Variants in CRX observed in about 807,000 individuals in gnomAD.
CRX encodes cone-rod homeobox, also known as cone-rod homeobox protein.
Under a neutral mutation model 13.1 loss-of-function variants are expected in CRX, and 5 were observed. That is an observed-to-expected ratio of 0.38 (90% CI 0.20 to 0.80). The LOEUF (loss-of-function observed/expected upper bound fraction) is 0.80, where lower values mean the gene tolerates loss of function less well. Among genes scored for constraint, CRX ranks in the 30% least tolerant of loss-of-function variants. CRX has a pLI of 0.43. For missense variants in CRX, 351 were observed against 391.8 expected (o/e 0.90, Z 0.88); for synonymous variants, 179 against 171.1 (o/e 1.05, Z -0.36).
intron 3 of CRX, among the ~76,000 whole-genome samples, chr19:47,838,365 A>G (rs529357666): frequency 1.3e-5 from 2 of 152,260 alleles, no homozygotes; most frequent in South Asian, 2.1e-4. Context: ...GCATGTATAT[A>G]TAATTAGATG....
chr19:47,823,729 A>G (rs1443686578), intron 1 of CRX, among the ~76,000 whole-genome samples: 1 of 148,002 alleles, frequency 6.8e-6, no homozygotes, highest in Non-Finnish European at 1.5e-5. Context: ...AGCTCAGTGC[A>G]ACCTCCACCT....
At chr19:47,837,561 T>C (rs1269492081) in intron 3 of CRX, among the ~76,000 whole-genome samples, 3 of 152,210 alleles carry the variant, frequency 2.0e-5, no homozygotes, top group Non-Finnish European at 2.9e-5. Flanking sequence ...TATATAGGTA[T>C]GACTGGATGG....
At chr19:47,829,837 G>T (rs1204576444) in intron 1 of CRX, among the ~76,000 whole-genome samples, 4 of 148,592 alleles carry the variant, frequency 2.7e-5, no homozygotes, top group Non-Finnish European at 5.9e-5. Context: ...GTTTTGCCAT[G>T]TTACCCAGGC....
intron 2 of CRX, among the ~76,000 whole-genome samples, chr19:47,834,946 T>G (rs1207727676): frequency 1.3e-5 from 2 of 151,866 alleles, no homozygotes; most frequent in Non-Finnish European, 2.9e-5. Flanking sequence ...CCTGAGTAGC[T>G]GGGACTGCAG....
At chr19:47,827,537 CTTTT>C (rs71180887) in intron 1 of CRX, among the ~76,000 whole-genome samples, 1 of 90,382 alleles carries the variant, frequency 1.1e-5, no homozygotes, top group Non-Finnish European at 2.1e-5. Context: ...TTTCTGAAGG[CTTTT>C]TTTTTTTTTT....
In CRX at chr19:47,839,258, C is replaced by G; in HGVS notation, c.253-62C>G. On this transcript the variant is annotated intron_variant, in intron 3 of 3. Transcript: ENST00000221996. The surrounding 1 kb of genome is among the most constrained non-coding windows in gnomAD (Gnocchi z 4.6). ...AATAAGTGTCCTCATCCCCGGGCAC[C>G]CTGCGGCTCTCCTGGGCCTCTTCCC... The G allele has an allele frequency of 3.2e-6, 5 of 1,558,448 alleles. No individual in the cohort carries two copies. The highest frequency in any genetic ancestry group is 4.4e-6 in the Non-Finnish European group (5 of 1,149,260).
At chr19:47,836,479 G>A (rs2123740107) in intron 3 of CRX, 85 bp downstream of exon 3, 1 of 1,570,268 alleles carries the variant, frequency 6.4e-7, no homozygotes, top group South Asian at 1.1e-5. Context: ...TGGGAGGAGG[G>A]AGAGATCACA....
rs147243365 is a variant in CRX at position 47,841,084 on chromosome 19, G to C, written c.*1117G>C. ...AAATTCCAAAGACAGACTTTAAGAA[G>C]CCCCGTCGGGAAACCTTAGGCCAAT... On this transcript the variant is annotated 3_prime_UTR_variant, in exon 4 of 4. Coordinates refer to ENST00000221996, the MANE Select transcript of CRX (RefSeq NM_000554.6). 7.4e-4 allele frequency: 113 copies of C among 152,244 alleles called. No individual in the cohort carries two copies. The highest frequency in any genetic ancestry group is 2.5e-3 in the African/African-American group (103 of 41,556). 9.4% of individuals were successfully genotyped at this position (152,244 alleles called of 1,614,324 possible). A position where few individuals can be genotyped will look rare whatever the true frequency, so the allele number is the denominator to read the frequency against.
chr19:47,823,649 G>GTT (rs58548004), intron 1 of CRX, among the ~76,000 whole-genome samples: 24,242 of 129,420 alleles, frequency 0.19, 2,797 homozygotes, highest in Non-Finnish European at 0.24. Context: ...CATGAGTCTG[G>GTT]TTTTTTTTTT....
At chr19:47,838,451 T>C (rs1243420806) in intron 3 of CRX, among the ~76,000 whole-genome samples, 1 of 151,760 alleles carries the variant, frequency 6.6e-6, no homozygotes, top group Non-Finnish European at 1.5e-5. Flanking sequence ...GTGTGTACAA[T>C]GTATGTATGT....
At chr19:47,835,639 T>TTTC (rs1289234772) in intron 2 of CRX, among the ~76,000 whole-genome samples, 19 of 148,426 alleles carry the variant, frequency 1.3e-4, no homozygotes, top group African/African-American at 4.7e-4. Flanking sequence ...TTTTTTTTTT[T>TTTC]CAAGACCGAG....
intron 1 of CRX, among the ~76,000 whole-genome samples, chr19:47,830,021 T>A (rs1241269880): frequency 1.3e-5 from 2 of 148,548 alleles, no homozygotes; most frequent in East Asian, 3.9e-4. Flanking sequence ...ATATAAATAT[T>A]ATAATTTTAT....
intron 3 of CRX, 24 bp downstream of exon 3, chr19:47,836,418 C>A: frequency 1.2e-6 from 2 of 1,614,114 alleles, no homozygotes; most frequent in Non-Finnish European, 1.7e-6. Flanking sequence ...TCCCTGGACC[C>A]CTCCCGACAC....
chr19:47,827,905 G>C (rs1306197201), intron 1 of CRX, among the ~76,000 whole-genome samples: 1 of 123,958 alleles, frequency 8.1e-6, no homozygotes, highest in Non-Finnish European at 1.6e-5. Flanking sequence ...TGTAATCCCA[G>C]CACTTTGGGA....
intron 3 of CRX, among the ~76,000 whole-genome samples, chr19:47,838,833 G>A (rs1291845434): frequency 6.8e-6 from 1 of 147,832 alleles, no homozygotes; most frequent in African/African-American, 2.4e-5. Context: ...TTGTATGTGT[G>A]CATGTTTGTA....
intron 1 of CRX, among the ~76,000 whole-genome samples, chr19:47,831,590 C>T (rs114330593): frequency 0.031 from 4,752 of 152,120 alleles, 214 homozygotes; most frequent in African/African-American, 0.1. Context: ...TTATCTTCTA[C>T]GAAACCAGTT....
In CRX at chr19:47,836,384, C is replaced by A. The variant is rs1237040876; in HGVS notation, c.242C>A (p.Ser81Tyr). ...GCTCTGAAGATCAATCTGCCTGAGT[C>A]CAGGGTTCAGGTGGGGTGGTGGGTC... ...EVALKINLPE[S>Y]RVQVWFKNRR... Residue 81 changes from serine to tyrosine, a missense_variant, in exon 3 of 4, where the codon TCC becomes TAC. Transcript: ENST00000221996. 6.2e-7 allele frequency: 1 copy of A among 1,614,100 alleles called. No individual in the cohort carries two copies. The highest frequency in any genetic ancestry group is 8.5e-7 in the Non-Finnish European group (1 of 1,180,044).
chr19:47,829,545 G>C (rs1228111501), intron 1 of CRX, among the ~76,000 whole-genome samples: 1 of 152,104 alleles, frequency 6.6e-6, no homozygotes, highest in African/African-American at 2.4e-5. Context: ...TGGCCAGGCT[G>C]GTCTTGAACT....
chr19:47,833,864 G>A (rs1405567894), intron 1 of CRX, among the ~76,000 whole-genome samples: 1 of 151,956 alleles, frequency 6.6e-6, no homozygotes, highest in Non-Finnish European at 1.5e-5. Flanking sequence ...CACCCAGGCT[G>A]GAGTGCAATG....
Sources: allele counts gnomAD v4.1 joint callset (sites outside exome capture counted in the v4.1 genomes callset), GRCh38; gene constraint gnomAD v4.1.1; non-coding constraint Gnocchi (gnomAD v3.1); transcripts MANE v1.5; gene names NCBI Gene and HGNC (gene_info 2026-07-23, HGNC 2026-07-21).